Variants in ICAM1 observed in about 807,000 individuals in gnomAD.
ICAM1 encodes the protein intercellular adhesion molecule 1.
A neutral mutation model predicts 42.3 loss-of-function variants in ICAM1; 28 were observed. That is an observed-to-expected ratio of 0.66 (90% confidence interval 0.49 to 0.91). ICAM1 has a LOEUF of 0.91. Among genes scored for constraint, ICAM1 ranks in the 40% least tolerant of loss-of-function variants. The pLI is 0.00. For synonymous variants in ICAM1, 304 were observed against 305.9 expected (o/e 0.99, Z 0.07); for missense variants, 637 against 688.6 (o/e 0.93, Z 0.84).
Position 10,283,763 on chromosome 19 carries a change from C to A in ICAM1, c.614C>A (p.Ala205Asp), listed in dbSNP as rs537554894. 6.2e-7 allele frequency: 1 copy of A among 1,609,010 alleles called. No individual in the cohort carries two copies. The highest frequency in any genetic ancestry group is 1.1e-5 in the South Asian group (1 of 90,688). ...QGLELFENTS[A>D]PYQLQTFVLP... ...CTGGAGCTGTTTGAGAACACCTCGGCCCCCTACCAGCTCCAGACCTTTGGT... is the reference window on the plus strand; with the variant it reads ...CTGGAGCTGTTTGAGAACACCTCGGACCCCTACCAGCTCCAGACCTTTGGT... Residue 205 changes from alanine (A) to aspartate (D), a missense_variant, in exon 3 of 7, where the codon GCC becomes GAC. Transcript: ENST00000264832.
chr19:10,277,746 A>G (rs2040027907), intron 2 of ICAM1, among the ~76,000 whole-genome samples: 1 of 152,134 alleles, frequency 6.6e-6, no homozygotes, highest in South Asian at 2.1e-4. Flanking sequence ...TCGGCCTCCC[A>G]AAGTGCTGGG....
At chr19:10,273,353 G>A (rs5030345) in intron 1 of ICAM1, among the ~76,000 whole-genome samples, 172 of 152,152 alleles carry the variant, frequency 1.1e-3, no homozygotes, top group Non-Finnish European at 1.5e-3. Context: ...TTACCCGGGC[G>A]TGGTGGCGCA....
chr19:10,280,637 T>C (rs1253416253), intron 2 of ICAM1, among the ~76,000 whole-genome samples: 2 of 152,002 alleles, frequency 1.3e-5, no homozygotes. Flanking sequence ...TGGCAGGATC[T>C]TAGCTCACCA....
chr19:10,283,429 G>A (rs1362954694), intron 2 of ICAM1, 52 bp from the exon 3 acceptor site: 2 of 1,500,028 alleles, frequency 1.3e-6, no homozygotes, highest in Non-Finnish European at 1.8e-6. Context: ...CGTCTGTTAG[G>A]CAGGCAGCAA....
Position 10,286,490 on chromosome 19 carries a change from A to T in ICAM1, c.*1203A>T, listed in dbSNP as rs993806378. Reference sequence around the variant, plus strand: ...ATCCTCCCACCTCAGCCTCCTGAGTAGCTGGGACCATAGGCTCACAACACC... The same window carrying T: ...ATCCTCCCACCTCAGCCTCCTGAGTTGCTGGGACCATAGGCTCACAACACC... On this transcript the variant is annotated 3_prime_UTR_variant, in exon 7 of 7. Transcript: ENST00000264832. 9 of 152,656 alleles carry T rather than the reference A, an allele frequency of 5.9e-5. No individual in the cohort carries two copies. Among genetic ancestry groups the T allele is most frequent in the Admixed American group, 3.9e-4 (6 of 15,246 alleles). 9.5% of individuals were successfully genotyped at this position (152,656 alleles called of 1,614,324 possible).
At position 10,278,138 on chromosome 19, in the gene ICAM1, A is replaced by G. The variant is rs1398872905; in HGVS notation, c.331+3110A>G. ...CCTGAGCCTGGGAGGTCCAGGCTGT[A>G]GTGAGCCGTGATGACACCACTGCAC... is the stretch of plus-strand genomic sequence containing the variant. On this transcript the variant is annotated intron_variant, in intron 2 of 6. Coordinates refer to ENST00000264832, the MANE Select transcript of ICAM1 (RefSeq NM_000201.3). 2.0e-5 allele frequency among the ~76,000 whole-genome samples: 3 copies of G among 152,166 alleles called. No individual in the cohort carries two copies. In the East Asian group the frequency reaches 5.8e-4, roughly 29 times the overall value.
intron 1 of ICAM1, among the ~76,000 whole-genome samples, chr19:10,273,369 G>A (rs1039454726): frequency 6.6e-6 from 1 of 152,010 alleles, no homozygotes; most frequent in African/African-American, 2.4e-5. Flanking sequence ...GCGCATGCCT[G>A]TAATCCCAGC....
At position 10,284,602 on chromosome 19, in the gene ICAM1, G is replaced by A. The variant is rs2040088401; in HGVS notation, c.1125G>A (p.Leu375=). The change falls in exon 5 of 7, where the codon CTG becomes CTA. Residue 375 remains leucine (L), a synonymous_variant. Coordinates refer to ENST00000264832, the MANE Select transcript of ICAM1 (RefSeq NM_000201.3). The surrounding 1 kb of genome is among the most constrained non-coding windows in gnomAD (Gnocchi z 5.4). ...GCAGCTTCTCCTGCTCTGCAACCCTGGAGGTGGCCGGCCAGCTTATACACA... is the reference window on the plus strand; with the variant it reads ...GCAGCTTCTCCTGCTCTGCAACCCTAGAGGTGGCCGGCCAGCTTATACACA... The part of the protein sequence containing the change: ...NGRSFSCSAT[L]EVAGQLIHKN... 1 of 1,614,158 alleles carries A rather than the reference G, an allele frequency of 6.2e-7. No individual in the cohort carries two copies.
intron 1 of ICAM1, among the ~76,000 whole-genome samples, chr19:10,274,481 A>AT (rs1179012342): frequency 6.6e-6 from 1 of 151,854 alleles, no homozygotes; most frequent in Non-Finnish European, 1.5e-5. Flanking sequence ...TGCCCAGCTA[A>AT]TTTTTGTATT....
At position 10,284,290 on chromosome 19, in the gene ICAM1, C is replaced by G; in HGVS notation, c.895C>G (p.Gln299Glu). 1 of 1,613,806 alleles carries G rather than the reference C, an allele frequency of 6.2e-7. No homozygotes were observed. The highest frequency in any genetic ancestry group is 8.5e-7 in the Non-Finnish European group (1 of 1,180,026). The part of the protein sequence containing the change: ...TCAVILGNQS[Q>E]ETLQTVTIYS... ...TGCAGTAATACTGGGGAACCAGAGC[C>G]AGGAGACACTGCAGACAGTGACCAT... Residue 299 changes from glutamine to glutamate, a missense_variant, in exon 4 of 7, where the codon CAG becomes GAG. Gln to Glu is a conservative substitution (Grantham distance 29). Transcript: ENST00000264832. The surrounding 1 kb of genome is among the most constrained non-coding windows in gnomAD (Gnocchi z 5.4).
chr19:10,284,765 C>G lies in ICAM1; in HGVS notation c.1181-18C>G. The G allele has an allele frequency of 6.2e-7, 1 of 1,607,018 alleles. No individual in the cohort carries two copies. On this transcript the variant is annotated intron_variant, in intron 5 of 6. Coordinates refer to ENST00000264832, the MANE Select transcript of ICAM1 (RefSeq NM_000201.3). The surrounding 1 kb of genome is among the most constrained non-coding windows in gnomAD (Gnocchi z 5.4). ...CTGCCCCCACCCACCTCCATGTCATCTCATCGTGTTTTTCCAGATGGCCCC... is the reference window on the plus strand; with the variant it reads ...CTGCCCCCACCCACCTCCATGTCATGTCATCGTGTTTTTCCAGATGGCCCC...
rs779108548 is a variant in ICAM1 at position 10,285,223 on chromosome 19, A to G, written c.1535A>G (p.Tyr512Cys). The G allele has an allele frequency of 6.2e-7, 1 of 1,614,166 alleles. No individual in the cohort carries two copies. The highest frequency in any genetic ancestry group is 1.1e-5 in the South Asian group (1 of 91,082). ...LYNRQRKIKK[Y>C]RLQQAQKGTP... is the part of the protein sequence containing the mutation. ...AACCGCCAGCGGAAGATCAAGAAAT[A>G]CAGACTACAACAGGCCCAAAAAGGG... is the stretch of plus-strand genomic sequence containing the variant. The change falls in exon 7 of 7, where the codon TAC becomes TGC. Residue 512 changes from tyrosine to cysteine, a missense_variant. Coordinates refer to ENST00000264832, the MANE Select transcript of ICAM1 (RefSeq NM_000201.3).
intron 2 of ICAM1, chr19:10,283,021 A>T (rs747736531): frequency 1.3e-5 from 2 of 151,570 alleles, no homozygotes; most frequent in African/African-American, 4.9e-5. Flanking sequence ...TAAAAACTTA[A>T]TTAATTAATT....
chr19:10,277,168 G>A (rs2040023527), intron 2 of ICAM1, among the ~76,000 whole-genome samples: 1 of 151,804 alleles, frequency 6.6e-6, no homozygotes, highest in South Asian at 2.1e-4. Flanking sequence ...GCTTGGGTGT[G>A]GAGAATTCTT....
At chr19:10,274,271 C>T (rs145570984) in intron 1 of ICAM1, among the ~76,000 whole-genome samples, 49 of 151,920 alleles carry the variant, frequency 3.2e-4, no homozygotes, top group Non-Finnish European at 6.3e-4. Flanking sequence ...TTTGTCAAAG[C>T]TCATATTAAC....
Position 10,284,409 on chromosome 19 carries a change from C to T in ICAM1, c.932C>T (p.Pro311Leu), listed in dbSNP as rs772315973. 2.9e-5 allele frequency: 46 copies of T among 1,613,036 alleles called. No homozygotes were observed. The highest frequency in any genetic ancestry group is 4.0e-5 in the African/African-American group (3 of 75,016). Reference protein sequence around the residue: ...TLQTVTIYSFPAPNVILTKPE... With the variant: ...TLQTVTIYSFLAPNVILTKPE... ...CACTGTGTGCCTATTCCAGGCTTTC[C>T]GGCGCCCAACGTGATTCTGACGAAG... Residue 311 changes from proline to leucine, a missense_variant, in exon 5 of 7, where the codon CCG (proline) becomes CTG (leucine). Transcript: ENST00000264832. The surrounding 1 kb of genome is among the most constrained non-coding windows in gnomAD (Gnocchi z 5.4).
chr19:10,283,467 C>T lies in ICAM1; in HGVS notation c.332-14C>T. The stretch of plus-strand genomic sequence containing the variant: ...TCCACTTCACCAGACACCCCCACCT[C>T]TGTTTTCCTGCAGGGACTCCAGAAC... On this transcript the variant is annotated splice_polypyrimidine_tract_variant and intron_variant, in intron 2 of 6. Transcript: ENST00000264832. 1 of 1,533,840 alleles carries T rather than the reference C, an allele frequency of 6.5e-7. No homozygotes were observed. Among genetic ancestry groups the T allele is most frequent in the South Asian group, 1.3e-5 (1 of 79,068 alleles).
intron 1 of ICAM1, among the ~76,000 whole-genome samples, chr19:10,271,653 C>T (rs1449535350): frequency 1.3e-5 from 2 of 152,086 alleles, no homozygotes; most frequent in African/African-American, 2.4e-5. Flanking sequence ...GTATCTTGGC[C>T]CAGCGCAGCA....
intron 1 of ICAM1, among the ~76,000 whole-genome samples, chr19:10,274,346 G>C (rs891002040): frequency 1.4e-5 from 2 of 140,480 alleles, no homozygotes; most frequent in African/African-American, 2.7e-5. Context: ...ACAGAGTCTC[G>C]TTCTGTTGCT....
Sources: gnomAD v4.1 joint callset for allele counts (sites outside exome capture counted in the v4.1 genomes callset) on GRCh38, gnomAD v4.1.1 for gene constraint, Gnocchi (gnomAD v3.1) non-coding constraint, MANE v1.5 for transcripts, NCBI Gene and HGNC (gene_info 2026-07-23, HGNC 2026-07-21) for gene names.